PIK3AP1: variants seen among roughly 807,000 people sequenced by gnomAD.
The protein encoded by PIK3AP1 is phosphoinositide 3-kinase adapter protein 1.
In PIK3AP1, 21 loss-of-function variants were observed where a neutral mutation model predicts 88.1. The ratio of observed to expected loss-of-function variants is 0.24; its 90% CI spans 0.17 to 0.34. The LOEUF (loss-of-function observed/expected upper bound fraction) is 0.34, where lower values mean the gene tolerates loss of function less well. Ranked by LOEUF, PIK3AP1 falls within the 10% of genes least tolerant of loss-of-function variation. The pLI, the probability that PIK3AP1 is intolerant of heterozygous loss-of-function variation, is 1.00. For synonymous variants in PIK3AP1, 398 were observed against 400.0 expected, an observed-to-expected ratio of 1.00 and a Z score of 0.06; for missense variants, 828 against 1,035.7, an observed-to-expected ratio of 0.80 and a Z score of 2.75.
intron 14 of PIK3AP1, among the ~76,000 whole-genome samples, chr10:96,606,170 G>A (rs1165950750): frequency 2.0e-5 from 3 of 152,066 alleles, no homozygotes; most frequent in Non-Finnish European, 4.4e-5. Flanking sequence ...GGACCAGGCT[G>A]TCTTTTTCTC....
At chr10:96,608,883 T>C (rs1849050997) in intron 14 of PIK3AP1, among the ~76,000 whole-genome samples, 1 of 152,262 alleles carries the variant, frequency 6.6e-6, no homozygotes. Context: ...CTTTTATTGC[T>C]TTCCTAGCTG....
At chr10:96,647,093 T>C (rs1843470037) in intron 7 of PIK3AP1, among the ~76,000 whole-genome samples, 1 of 152,226 alleles carries the variant, frequency 6.6e-6, no homozygotes, top group Non-Finnish European at 1.5e-5. Flanking sequence ...AAAGGGACAG[T>C]CTTTTGGTCA....
At chr10:96,650,748 G>A (rs1478969328) in intron 6 of PIK3AP1, among the ~76,000 whole-genome samples, 1 of 152,176 alleles carries the variant, frequency 6.6e-6, no homozygotes, top group Non-Finnish European at 1.5e-5. Flanking sequence ...AGGAAGGAAG[G>A]ACTATCTTTC....
intron 2 of PIK3AP1, among the ~76,000 whole-genome samples, chr10:96,670,155 CAA>C (rs35152022): frequency 5.6e-4 from 51 of 91,438 alleles, no homozygotes; most frequent in Admixed American, 5.9e-4. Context: ...AAGACTCCAT[CAA>C]AAAAAAAAAA....
intron 2 of PIK3AP1, among the ~76,000 whole-genome samples, chr10:96,666,928 A>T (rs917436066): frequency 6.6e-6 from 1 of 152,004 alleles, no homozygotes; most frequent in Admixed American, 6.6e-5. Flanking sequence ...AGGGCAGTGG[A>T]AGGTATCACT....
At chr10:96,623,558 T>C (rs748688891) in intron 10 of PIK3AP1, 21 bp from the exon 11 acceptor site, 4 of 1,569,652 alleles carry the variant, frequency 2.5e-6, no homozygotes, top group Non-Finnish European at 3.5e-6. Flanking sequence ...AAGAATATTC[T>C]GATTACTGAA....
At chr10:96,631,679 A>G (rs957016191) in intron 8 of PIK3AP1, among the ~76,000 whole-genome samples, 5 of 152,202 alleles carry the variant, frequency 3.3e-5, no homozygotes, top group African/African-American at 1.2e-4. Flanking sequence ...GCTTGAGGTC[A>G]GGAGTTTTGA....
intron 11 of PIK3AP1, among the ~76,000 whole-genome samples, chr10:96,622,490 C>T (rs1298029216): frequency 2.6e-5 from 4 of 152,186 alleles, no homozygotes; most frequent in Non-Finnish European, 5.9e-5. Context: ...ATGGCTGCAC[C>T]GGTGAGTACT....
intron 2 of PIK3AP1, among the ~76,000 whole-genome samples, chr10:96,662,875 C>T (rs1433589349): frequency 2.0e-5 from 2 of 97,644 alleles, no homozygotes; most frequent in African/African-American, 4.3e-5. Flanking sequence ...GGCGACAGAG[C>T]GAGACTCCGT....
chr10:96,611,150 A>G (rs1849102033), intron 13 of PIK3AP1, among the ~76,000 whole-genome samples: 1 of 152,230 alleles, frequency 6.6e-6, no homozygotes, highest in Non-Finnish European at 1.5e-5. Flanking sequence ...CCCCCAGAAC[A>G]TTCTGCGCAG....
At position 96,595,517 on chromosome 10, in the gene PIK3AP1, T is replaced by C; in HGVS notation, c.*60A>G. On this transcript the variant is annotated 3_prime_UTR_variant, in exon 17 of 17. Transcript: ENST00000339364. ...ATAAAACTCAACATGAAGACATCAT[T>C]AACAGGCTGAAGACTGTGAGTCTTA... is the stretch of plus-strand genomic sequence containing the variant. 6.6e-7 allele frequency: 1 copy of C among 1,516,992 alleles called. No homozygotes were observed. The highest frequency in any genetic ancestry group is 9.1e-7 in the Non-Finnish European group (1 of 1,093,798). The allele number at this position is 1,516,992 out of a possible 1,614,324, so 94.0% of individuals were successfully genotyped here. A position where few individuals can be genotyped will look rare whatever the true frequency, so the allele number is the denominator to read the frequency against.
chr10:96,605,216 G>A (rs935269005), intron 14 of PIK3AP1, among the ~76,000 whole-genome samples: 1 of 152,150 alleles, frequency 6.6e-6, no homozygotes, highest in African/African-American at 2.4e-5. Context: ...AGGCACTCAA[G>A]GCTTTTCAGT....
chr10:96,631,394 T>C (rs1214724729), intron 8 of PIK3AP1, among the ~76,000 whole-genome samples: 1 of 152,168 alleles, frequency 6.6e-6, no homozygotes, highest in Admixed American at 6.5e-5. Flanking sequence ...TTGATTTGCA[T>C]GTCGGAGAGG....
intron 2 of PIK3AP1, among the ~76,000 whole-genome samples, chr10:96,680,474 G>A (rs148607675): frequency 2.1e-3 from 326 of 152,114 alleles, no homozygotes; most frequent in African/African-American, 7.6e-3. Context: ...TCCACCCTCA[G>A]GAATGCCCTG....
At position 96,632,333 on chromosome 10, in the gene PIK3AP1, C is replaced by T. The variant is rs146431303; in HGVS notation, c.1376-3840G>A. ...ATGGTTATGTAAGATGTTAATACTA[C>T]GGGAGCCTGAGTGAAAGGTATGTAA... On this transcript the variant is annotated intron_variant, in intron 8 of 16. Coordinates refer to ENST00000339364, the MANE Select transcript of PIK3AP1 (RefSeq NM_152309.3). 3.7e-3 allele frequency among the ~76,000 whole-genome samples: 564 copies of T among 152,126 alleles called. 4 individuals carry two copies. The highest frequency in any genetic ancestry group is 0.013 in the African/African-American group (533 of 41,482).
chr10:96,720,366 G>A lies in PIK3AP1; in HGVS notation c.13+16C>T. 1.6e-6 allele frequency: 2 copies of A among 1,241,992 alleles called. No homozygotes were observed. The highest frequency in any genetic ancestry group is 2.0e-6 in the Non-Finnish European group (2 of 987,746). 76.9% of individuals were successfully genotyped at this position (1,241,992 alleles called of 1,614,324 possible). A position where few individuals can be genotyped will look rare whatever the true frequency, so the allele number is the denominator to read the frequency against. On this transcript the variant is annotated intron_variant, in intron 1 of 16. Coordinates refer to ENST00000339364, the MANE Select transcript of PIK3AP1 (RefSeq NM_152309.3). The surrounding 1 kb of genome is among the most constrained non-coding windows in gnomAD (Gnocchi z 4.6). The stretch of plus-strand genomic sequence containing the variant: ...GGGGCCGGGAGCCCGGGGACCCGCG[G>A]CGCCTGCCTACCCACCTGAGGCTGC...
chr10:96,670,107 G>A (rs1279103216), intron 2 of PIK3AP1, among the ~76,000 whole-genome samples: 4 of 149,564 alleles, frequency 2.7e-5, no homozygotes, highest in Non-Finnish European at 4.4e-5. Flanking sequence ...CCTGGGAGGT[G>A]GAGGTTGCGC....
chr10:96,684,859 G>C (rs1844048796), intron 2 of PIK3AP1, among the ~76,000 whole-genome samples: 1 of 152,204 alleles, frequency 6.6e-6, no homozygotes, highest in Non-Finnish European at 1.5e-5. Context: ...CTCTCTGATA[G>C]ATGTTGCCAA....
intron 11 of PIK3AP1, chr10:96,620,956 G>A (rs1035149619): frequency 3.3e-5 from 6 of 180,556 alleles, no homozygotes; most frequent in African/African-American, 1.2e-4. Flanking sequence ...GTGAATTCCT[G>A]GTAGGGAAAC....
Sources: allele counts gnomAD v4.1 joint callset (sites outside exome capture counted in the v4.1 genomes callset), GRCh38; gene constraint gnomAD v4.1.1; non-coding constraint Gnocchi (gnomAD v3.1); transcripts MANE v1.5; gene names NCBI Gene and HGNC (gene_info 2026-07-23, HGNC 2026-07-21).